STXBP6: variants seen among roughly 807,000 people sequenced by gnomAD.
STXBP6 encodes syntaxin-binding protein 6.
A neutral mutation model predicts 26.9 loss-of-function variants in STXBP6; 21 were observed. The ratio of observed to expected loss-of-function variants is 0.78; its 90% CI spans 0.55 to 1.12. The LOEUF (loss-of-function observed/expected upper bound fraction) is 1.12. STXBP6 is among the 50% of genes most tolerant of loss of function. The probability of loss-of-function intolerance (pLI) is 0.00; values close to 1 mark genes in which losing one functional copy is unlikely to be tolerated. For missense variants in STXBP6, 232 were observed against 257.9 expected (o/e 0.90, Z 0.69); for synonymous variants, 97 against 92.6 (o/e 1.05, Z -0.27).
At chr14:25,026,288 C>A (rs2075348983) in intron 1 of STXBP6, among the ~76,000 whole-genome samples, 1 of 152,070 alleles carries the variant, frequency 6.6e-6, no homozygotes, top group Admixed American at 6.6e-5. Flanking sequence ...AAAAGAGAAT[C>A]TCAAGGGAAG....
intron 1 of STXBP6, among the ~76,000 whole-genome samples, chr14:24,997,030 G>A (rs912812572): frequency 1.3e-5 from 2 of 152,020 alleles, no homozygotes; most frequent in African/African-American, 2.4e-5. Flanking sequence ...AGCATATGAC[G>A]CCACTAATCT....
At chr14:24,951,994 ATT>A (rs1468405941) in intron 2 of STXBP6, among the ~76,000 whole-genome samples, 1 of 151,468 alleles carries the variant, frequency 6.6e-6, no homozygotes, top group Non-Finnish European at 1.5e-5. Flanking sequence ...TGGTATTTTG[ATT>A]GTGTTTTTAG....
chr14:24,854,743 A>G (rs1239526620), intron 4 of STXBP6, among the ~76,000 whole-genome samples: 1 of 152,074 alleles, frequency 6.6e-6, no homozygotes, highest in East Asian at 1.9e-4. Flanking sequence ...GGTGGCGCAG[A>G]CATGATACAG....
chr14:24,870,237 T>A (rs144059482), intron 2 of STXBP6, among the ~76,000 whole-genome samples: 1 of 152,280 alleles, frequency 6.6e-6, no homozygotes, highest in Non-Finnish European at 1.5e-5. Context: ...TATATTAGGT[T>A]TAAAGCTGTA....
intron 1 of STXBP6, among the ~76,000 whole-genome samples, chr14:25,008,455 G>A (rs1279899534): frequency 6.6e-6 from 1 of 152,170 alleles, no homozygotes; most frequent in East Asian, 1.9e-4. Context: ...CTGCACTCCA[G>A]CCTGGGAGAT....
At chr14:24,952,496 C>A (rs1241408517) in intron 2 of STXBP6, among the ~76,000 whole-genome samples, 1 of 152,016 alleles carries the variant, frequency 6.6e-6, no homozygotes, top group Admixed American at 6.6e-5. Context: ...TCATTTTGTA[C>A]CTTTCTGAGT....
chr14:24,899,943 G>C (rs532558855), intron 2 of STXBP6, among the ~76,000 whole-genome samples: 1 of 152,040 alleles, frequency 6.6e-6, no homozygotes. Context: ...AAGGTCCTTG[G>C]ATATCATTAG....
At chr14:24,857,539 A>C (rs988511301) in intron 2 of STXBP6, among the ~76,000 whole-genome samples, 1 of 152,068 alleles carries the variant, frequency 6.6e-6, no homozygotes, top group Non-Finnish European at 1.5e-5. Context: ...GGTAAGGTTC[A>C]CTGGGAAAGG....
intron 1 of STXBP6, among the ~76,000 whole-genome samples, chr14:25,017,902 A>C (rs2075184874): frequency 6.6e-6 from 1 of 152,122 alleles, no homozygotes; most frequent in South Asian, 2.1e-4. Flanking sequence ...CTTGCTATCC[A>C]GTAGCTCAAA....
In STXBP6 at chr14:25,023,536, C is replaced by T. The variant is rs975351192; in HGVS notation, c.-33+26342G>A. ...ATCCAAAGGTGCTTTTGTGGCTGGG[C>T]GGTGGCTCATGCCTGCAATCCCAAC... On this transcript the variant is annotated intron_variant, in intron 1 of 5. Transcript: ENST00000323944. 4.6e-5 allele frequency among the ~76,000 whole-genome samples: 7 copies of T among 152,016 alleles called. No homozygotes were observed. In the East Asian group the frequency reaches 5.8e-4, roughly 13 times the overall value.
At chr14:24,898,214 T>C (rs572907245) in intron 2 of STXBP6, among the ~76,000 whole-genome samples, 1 of 152,302 alleles carries the variant, frequency 6.6e-6, no homozygotes, top group South Asian at 2.1e-4. Context: ...GCATTCTGAG[T>C]ACAAGGTCTT....
chr14:25,007,524 C>T (rs1017598060), intron 1 of STXBP6, among the ~76,000 whole-genome samples: 4 of 152,164 alleles, frequency 2.6e-5, no homozygotes, highest in Non-Finnish European at 5.9e-5. Flanking sequence ...CCATCCCCTT[C>T]CCTGTTTTAG....
chr14:24,983,081 A>C (rs1368538292), intron 1 of STXBP6, among the ~76,000 whole-genome samples: 1 of 152,210 alleles, frequency 6.6e-6, no homozygotes, highest in East Asian at 1.9e-4. Flanking sequence ...TTCTACAGTA[A>C]TGGGTAGAAA....
chr14:25,046,361 G>C (rs1438498396), intron 1 of STXBP6, among the ~76,000 whole-genome samples: 2 of 152,230 alleles, frequency 1.3e-5, no homozygotes, highest in Non-Finnish European at 2.9e-5. Flanking sequence ...AGTGCTGACT[G>C]CTGTCAGGAA....
intron 2 of STXBP6, among the ~76,000 whole-genome samples, chr14:24,911,994 A>T (rs894109911): frequency 1.3e-5 from 2 of 152,132 alleles, no homozygotes; most frequent in Non-Finnish European, 2.9e-5. Flanking sequence ...CAAGTGTGGT[A>T]TTTTGAGTCT....
intron 2 of STXBP6, among the ~76,000 whole-genome samples, chr14:24,865,611 T>A (rs1277019405): frequency 2.6e-5 from 4 of 152,162 alleles, no homozygotes; most frequent in Non-Finnish European, 5.9e-5. Context: ...TACTCCATGC[T>A]CACACAGGGC....
intron 2 of STXBP6, among the ~76,000 whole-genome samples, chr14:24,918,474 A>ACACACACG (rs2071855078): frequency 7.1e-6 from 1 of 141,466 alleles, no homozygotes; most frequent in Non-Finnish European, 1.5e-5. Flanking sequence ...ACACACACAC[A>ACACACACG]CACACACACA....
chr14:24,975,016 A>G (rs905991831), intron 1 of STXBP6, among the ~76,000 whole-genome samples, 166 bp from the exon 2 acceptor site: 2 of 152,220 alleles, frequency 1.3e-5, no homozygotes, highest in African/African-American at 4.8e-5. Flanking sequence ...AGGTCTTCAT[A>G]TTTGTAATAA....
intron 1 of STXBP6, among the ~76,000 whole-genome samples, chr14:24,999,681 G>A (rs918126513): frequency 6.6e-6 from 1 of 152,080 alleles, no homozygotes; most frequent in Non-Finnish European, 1.5e-5. Flanking sequence ...TTTTGGGGGT[G>A]CCACTACCCC....
Sources: allele counts gnomAD v4.1 joint callset (sites outside exome capture counted in the v4.1 genomes callset), GRCh38; gene constraint gnomAD v4.1.1; transcripts MANE v1.5; gene names NCBI Gene and HGNC (gene_info 2026-07-23, HGNC 2026-07-21).